Variants in FNDC3A observed in about 807,000 individuals in gnomAD.
The protein encoded by FNDC3A is fibronectin type-III domain-containing protein 3A.
A neutral mutation model predicts 148.9 loss-of-function variants in FNDC3A; 32 were observed. The observed-to-expected ratio is 0.21, with a 90% confidence interval of 0.16 to 0.29. The LOEUF is 0.29. FNDC3A is among the 10% of genes least tolerant of loss of function. FNDC3A has a pLI of 1.00. For synonymous variants in FNDC3A, 472 were observed against 473.6 expected (o/e 1.00, Z 0.04); for missense variants, 1,191 against 1,452.8 (o/e 0.82, Z 2.93).
chr13:49,191,327 C>T lies in FNDC3A; in HGVS notation c.2169C>T (p.Ser723=). The part of the protein sequence containing the change: ...YQGSEVECTV[S]SLLPGKTYSF... ...GTTCTGAAGTAGAATGTACAGTGAG[C>T]AGCCTTCTTCCTGGAAAGACATACA... Residue 723 remains serine (S), a synonymous_variant, in exon 19 of 26, where the codon AGC becomes AGT. Transcript: ENST00000492622. 6.2e-7 allele frequency: 1 copy of T among 1,612,080 alleles called. No individual in the cohort carries two copies. Among genetic ancestry groups the T allele is most frequent in the Non-Finnish European group, 8.5e-7 (1 of 1,179,494 alleles).
At chr13:49,147,519 C>A in intron 8 of FNDC3A, among the ~76,000 whole-genome samples, 1 of 150,442 alleles carries the variant, frequency 6.6e-6, no homozygotes, top group East Asian at 1.9e-4. Context: ...AATAGGGAAT[C>A]GTGATTTTAA....
At chr13:49,143,626 C>T (rs1882812243) in intron 7 of FNDC3A, among the ~76,000 whole-genome samples, 1 of 151,938 alleles carries the variant, frequency 6.6e-6, no homozygotes, top group Non-Finnish European at 1.5e-5. Context: ...TTCTTTAAAC[C>T]TAAATTTATT....
chr13:49,162,632 C>A (rs925960824), intron 8 of FNDC3A, among the ~76,000 whole-genome samples: 2 of 152,170 alleles, frequency 1.3e-5, no homozygotes, highest in East Asian at 3.8e-4. Context: ...AGTCATTCTC[C>A]GTCCTGTTTT....
At chr13:49,155,229 T>A (rs1883582261) in intron 8 of FNDC3A, among the ~76,000 whole-genome samples, 1 of 152,186 alleles carries the variant, frequency 6.6e-6, no homozygotes, top group East Asian at 1.9e-4. Flanking sequence ...ATTCACCTTC[T>A]TCCTGGTTTA....
chr13:49,079,960 G>A (rs1044343466), intron 3 of FNDC3A, among the ~76,000 whole-genome samples: 2 of 152,046 alleles, frequency 1.3e-5, no homozygotes, highest in African/African-American at 4.8e-5. Flanking sequence ...GACTGCAGGT[G>A]CATGCCACCA....
intron 6 of FNDC3A, among the ~76,000 whole-genome samples, 167 bp downstream of exon 6, chr13:49,136,768 C>T (rs1386161222): frequency 6.6e-6 from 1 of 152,162 alleles, no homozygotes; most frequent in Non-Finnish European, 1.5e-5. Context: ...TCATCTATAT[C>T]GTAAATTTTA....
At chr13:49,033,279 G>A (rs1034421640) in intron 2 of FNDC3A, among the ~76,000 whole-genome samples, 3 of 152,230 alleles carry the variant, frequency 2.0e-5, no homozygotes, top group East Asian at 3.9e-4. Context: ...GCACTTCTTT[G>A]TTGATTTGGT....
rs367712945 is a variant in FNDC3A at position 49,198,333 on chromosome 13, C to T, written c.2775-29C>T. 26 of 1,612,274 alleles carry T rather than the reference C, an allele frequency of 1.6e-5. No homozygotes were observed. The African/African-American group carries it at 3.3e-4, about 21-fold the overall frequency. On this transcript the variant is annotated intron_variant, in intron 22 of 25. Transcript: ENST00000492622. ...GACGCTTTAAATAAAACAATCATAA[C>T]CAAACTTTTTTTCTTATGTGGCACT...
chr13:49,037,531 CT>C (rs1177657727), intron 2 of FNDC3A, among the ~76,000 whole-genome samples: 3 of 152,176 alleles, frequency 2.0e-5, no homozygotes, highest in Non-Finnish European at 4.4e-5. Context: ...CTTTCTGTAA[CT>C]TGGGGGTTGT....
At chr13:49,029,183 G>A (rs966360828) in intron 2 of FNDC3A, among the ~76,000 whole-genome samples, 3 of 151,988 alleles carry the variant, frequency 2.0e-5, no homozygotes, top group African/African-American at 4.8e-5. Flanking sequence ...TGTTGCCCAG[G>A]CTTCAGTAAA....
intron 23 of FNDC3A, among the ~76,000 whole-genome samples, chr13:49,200,847 A>G (rs1490838547): frequency 6.6e-6 from 1 of 151,994 alleles, no homozygotes; most frequent in Non-Finnish European, 1.5e-5. Flanking sequence ...ACAACTATAT[A>G]CACTTGCTGT....
At chr13:48,996,104 TA>T (rs567211947) in intron 1 of FNDC3A, among the ~76,000 whole-genome samples, 262 of 152,306 alleles carry the variant, frequency 1.7e-3, no homozygotes, top group African/African-American at 6.2e-3. Flanking sequence ...AGAAGCCAAA[TA>T]TGTGTAGTTG....
At chr13:49,111,021 T>G (rs1488033919) in intron 3 of FNDC3A, among the ~76,000 whole-genome samples, 2 of 152,124 alleles carry the variant, frequency 1.3e-5, no homozygotes, top group African/African-American at 2.4e-5. Flanking sequence ...TCACATAGAT[T>G]ATAAAGGAGC....
Position 49,110,656 on chromosome 13 carries a change from A to T in FNDC3A, c.176-3999A>T, listed in dbSNP as rs376746409. Among the ~76,000 whole-genome samples the T allele has an allele frequency of 9.5e-4, 144 of 152,302 alleles. 1 individual carries two copies. Among genetic ancestry groups the T allele is most frequent in the African/African-American group, 3.3e-3 (138 of 41,570 alleles). Reference sequence around the variant, plus strand: ...TTTTTCTTCTAGAGCTAAAATCTGAAAATTGGCATCAGATTATTTGGAAGC... The same window carrying T: ...TTTTTCTTCTAGAGCTAAAATCTGATAATTGGCATCAGATTATTTGGAAGC... On this transcript the variant is annotated intron_variant, in intron 3 of 25. Coordinates refer to ENST00000492622, the MANE Select transcript of FNDC3A (RefSeq NM_001079673.2).
intron 13 of FNDC3A, among the ~76,000 whole-genome samples, chr13:49,178,317 C>T (rs572726823): frequency 1.1e-4 from 17 of 152,304 alleles, no homozygotes; most frequent in South Asian, 4.1e-4. Flanking sequence ...ACACAAAGAT[C>T]GTCTTCTCTT....
intron 2 of FNDC3A, among the ~76,000 whole-genome samples, chr13:49,029,613 A>G (rs1412461087): frequency 1.3e-5 from 2 of 152,234 alleles, no homozygotes; most frequent in African/African-American, 4.8e-5. Context: ...AGAAAATCAA[A>G]AATACCAAAA....
chr13:49,098,902 C>A (rs928586762), intron 3 of FNDC3A, among the ~76,000 whole-genome samples: 100 of 152,102 alleles, frequency 6.6e-4, no homozygotes, highest in African/African-American at 2.3e-3. Context: ...TGACCTTGAT[C>A]TTTTCTCTTT....
intron 3 of FNDC3A, among the ~76,000 whole-genome samples, chr13:49,111,725 CAAAA>C (rs1231985235): frequency 1.2e-5 from 1 of 83,060 alleles, no homozygotes. Flanking sequence ...AACTCCGTCT[CAAAA>C]AAAAAAAAAA....
intron 2 of FNDC3A, among the ~76,000 whole-genome samples, chr13:49,064,140 A>G (rs971752003): frequency 2.0e-5 from 3 of 152,104 alleles, no homozygotes; most frequent in Admixed American, 1.3e-4. Context: ...CAGGAGTTTG[A>G]GACCAGCCTG....
Sources: allele counts gnomAD v4.1 joint callset (sites outside exome capture counted in the v4.1 genomes callset), GRCh38; gene constraint gnomAD v4.1.1; transcripts MANE v1.5; gene names NCBI Gene and HGNC (gene_info 2026-07-23, HGNC 2026-07-21).